Variants in EXOC2 observed in about 807,000 individuals in gnomAD.
EXOC2 encodes the protein exocyst complex component 2.
In EXOC2, 70 loss-of-function variants were observed where a neutral mutation model predicts 131.8. The ratio of observed to expected loss-of-function variants is 0.53; its 90% CI spans 0.44 to 0.65. The LOEUF is 0.65. Ranked by LOEUF, EXOC2 falls within the 30% of genes least tolerant of loss-of-function variation. EXOC2 has a pLI of 0.00. For missense variants in EXOC2, 923 were observed against 1,108.6 expected (o/e 0.83, Z 2.38); for synonymous variants, 411 against 398.4 (o/e 1.03, Z -0.38).
At chr6:553,768 G>T in intron 21 of EXOC2, 86 bp downstream of exon 21, 1 of 1,080,986 alleles carries the variant, frequency 9.3e-7, no homozygotes, top group Non-Finnish European at 1.4e-6. Flanking sequence ...GCTATAGCAA[G>T]GATGCAGGAA....
chr6:584,610 G>A (rs1214663815), intron 11 of EXOC2, among the ~76,000 whole-genome samples: 1 of 152,184 alleles, frequency 6.6e-6, no homozygotes. Flanking sequence ...CCACTGTGAA[G>A]ACTCGAAATA....
intron 1 of EXOC2, among the ~76,000 whole-genome samples, chr6:681,842 C>T (rs1007677908): frequency 5.9e-5 from 9 of 152,198 alleles, no homozygotes; most frequent in African/African-American, 2.2e-4. Flanking sequence ...GCTTCTCTGC[C>T]CTTGCAAGAG....
rs1234563679 is a variant in EXOC2, at chr6:598,102, C to T, written c.992G>A (p.Arg331Lys). 1.2e-6 allele frequency: 2 copies of T among 1,611,594 alleles called. No individual in the cohort carries two copies. The highest frequency in any genetic ancestry group is 4.5e-5 in the East Asian group (2 of 44,840). ...AAGTAATTCTCTTAAAGCTTCAATC[C>T]TTGTTTCTACTTCAGCATAATCTAT... Reference protein sequence around the residue: ...FKKYYAEVETRIEALRELLLD... With the variant: ...FKKYYAEVETKIEALRELLLD... The change falls in exon 10 of 28, where the codon AGG becomes AAG. Residue 331 changes from arginine (R) to lysine (K), a missense_variant. Coordinates refer to ENST00000230449, the MANE Select transcript of EXOC2 (RefSeq NM_018303.6).
chr6:592,088 CG>C (rs1241467529), intron 11 of EXOC2, among the ~76,000 whole-genome samples: 1 of 152,034 alleles, frequency 6.6e-6, no homozygotes, highest in Admixed American at 6.6e-5. Flanking sequence ...CTTCCTCTAG[CG>C]GTAACTCTGG....
At chr6:606,809 C>T (rs922389694) in intron 7 of EXOC2, among the ~76,000 whole-genome samples, 9 of 152,336 alleles carry the variant, frequency 5.9e-5, no homozygotes, top group Admixed American at 5.9e-4. Flanking sequence ...CCAGCTATTC[C>T]TTCCGTCACT....
At chr6:541,637 A>G (rs1048239162) in intron 22 of EXOC2, among the ~76,000 whole-genome samples, 5 of 152,242 alleles carry the variant, frequency 3.3e-5, no homozygotes, top group Non-Finnish European at 5.9e-5. Flanking sequence ...CTGAGGTTGA[A>G]GTAATAAAAC....
chr6:570,866 AT>A (rs780092383), intron 13 of EXOC2, among the ~76,000 whole-genome samples: 23 of 152,116 alleles, frequency 1.5e-4, no homozygotes, highest in Admixed American at 7.2e-4. Context: ...CACACGAACA[AT>A]TTGGTTTAGG....
At chr6:547,548 AT>A (rs924124018) in intron 22 of EXOC2, among the ~76,000 whole-genome samples, 1 of 152,246 alleles carries the variant, frequency 6.6e-6, no homozygotes, top group Non-Finnish European at 1.5e-5. Flanking sequence ...AGGGAAAACT[AT>A]GAAAAACAGT....
intron 1 of EXOC2, among the ~76,000 whole-genome samples, chr6:681,003 A>G (rs1351098642): frequency 6.6e-6 from 1 of 152,186 alleles, no homozygotes; most frequent in Non-Finnish European, 1.5e-5. Context: ...AATTCCTGCC[A>G]TAAGAAGCTA....
intron 2 of EXOC2, among the ~76,000 whole-genome samples, chr6:635,055 A>C (rs776067759): frequency 3.9e-5 from 6 of 152,252 alleles, no homozygotes; most frequent in Non-Finnish European, 7.3e-5. Flanking sequence ...CAGACAACTT[A>C]ATATTTTTAA....
chr6:557,699 G>A (rs1293361339), intron 17 of EXOC2, among the ~76,000 whole-genome samples: 7 of 151,488 alleles, frequency 4.6e-5, no homozygotes. Context: ...GATGGTCATA[G>A]AAGGCCCCCA....
rs758430574 is a variant in EXOC2 at position 636,197 on chromosome 6, C to A, written c.118+1504G>T. Among the ~76,000 whole-genome samples, 23 of 152,324 alleles carry A rather than the reference C, an allele frequency of 1.5e-4. No individual in the cohort carries two copies. The South Asian group carries it at 2.5e-3, about 16-fold the overall frequency. ...TTTGGGAGCGCACAATGACTGCCAG[C>A]GAAAATTCTGGACGGAACCCCCACC... On this transcript the variant is annotated intron_variant, in intron 2 of 27. Transcript: ENST00000230449.
At chr6:537,106 T>C (rs180760330) in intron 22 of EXOC2, among the ~76,000 whole-genome samples, 104 of 152,224 alleles carry the variant, frequency 6.8e-4, no homozygotes, top group African/African-American at 2.2e-3. Flanking sequence ...ATAAACAAGA[T>C]TGGTAATATT....
chr6:606,165 G>A (rs1165024488), intron 7 of EXOC2, among the ~76,000 whole-genome samples: 1 of 152,078 alleles, frequency 6.6e-6, no homozygotes, highest in African/African-American at 2.4e-5. Flanking sequence ...ACTATCACAA[G>A]GACAAAAAAC....
intron 1 of EXOC2, among the ~76,000 whole-genome samples, chr6:658,640 A>G (rs1401772908): frequency 2.5e-5 from 3 of 122,118 alleles, no homozygotes; most frequent in Non-Finnish European, 4.9e-5. Context: ...ATATATATAT[A>G]TATTTTATAT....
intron 23 of EXOC2, among the ~76,000 whole-genome samples, chr6:531,914 T>C (rs1013946409): frequency 2.6e-5 from 4 of 152,222 alleles, no homozygotes; most frequent in Non-Finnish European, 1.5e-5. Context: ...TAAAAATATA[T>C]ATTTTGAAGT....
chr6:535,580 T>C (rs1336730213), intron 22 of EXOC2, among the ~76,000 whole-genome samples: 2 of 152,142 alleles, frequency 1.3e-5, no homozygotes, highest in East Asian at 3.8e-4. Flanking sequence ...ATAGAGGAAA[T>C]TGCTAATCTG....
In EXOC2 at chr6:556,014, C is replaced by T. The variant is rs758786063; in HGVS notation, c.1933-1G>A. ...CCTGTGTTTTAGGTTGTTGGAAGAC[C>T]TGTAAGGAAGAATTTTGATGAAAAT... On this transcript the variant is annotated splice_acceptor_variant, in intron 18 of 27. Transcript: ENST00000230449. LOFTEE classifies it high-confidence loss of function. 2 of 1,613,824 alleles carry T rather than the reference C, an allele frequency of 1.2e-6. No individual in the cohort carries two copies. The highest frequency in any genetic ancestry group is 1.7e-6 in the Non-Finnish European group (2 of 1,179,930).
At chr6:632,899 T>G in intron 3 of EXOC2, 42 bp downstream of exon 3, 1 of 1,557,266 alleles carries the variant, frequency 6.4e-7, no homozygotes, top group Non-Finnish European at 8.7e-7. Flanking sequence ...GACAAACTCA[T>G]TTTTACTTTC....
Sources: allele counts gnomAD v4.1 joint callset (sites outside exome capture counted in the v4.1 genomes callset), GRCh38; gene constraint gnomAD v4.1.1; transcripts MANE v1.5; gene names NCBI Gene and HGNC (gene_info 2026-07-23, HGNC 2026-07-21).